BMPR1A: variants seen among roughly 807,000 people sequenced by gnomAD.
BMPR1A encodes bone morphogenetic protein receptor type 1A, also known as bone morphogenetic protein receptor type-1A.
Under a neutral mutation model 66.0 loss-of-function variants are expected in BMPR1A, and 7 were observed. That is an observed-to-expected ratio of 0.11 (90% CI 0.06 to 0.20). BMPR1A has a LOEUF of 0.20. Among genes scored for constraint, BMPR1A ranks in the 10% least tolerant of loss-of-function variants. The probability of loss-of-function intolerance (pLI) is 1.00; values close to 1 mark genes in which losing one functional copy is unlikely to be tolerated. For missense variants in BMPR1A, 408 were observed against 669.1 expected (o/e 0.61, Z 4.31); for synonymous variants, 200 against 229.7 (o/e 0.87, Z 1.17).
At chr10:86,788,933 G>A in intron 1 of BMPR1A, among the ~76,000 whole-genome samples, 1 of 151,874 alleles carries the variant, frequency 6.6e-6, no homozygotes, top group Non-Finnish European at 1.5e-5. Context: ...TTCCACCATG[G>A]CTTTTTCCAT....
chr10:86,892,060 C>A, intron 4 of BMPR1A, 67 bp from the exon 5 acceptor site: 1 of 1,304,496 alleles, frequency 7.7e-7, no homozygotes, highest in Non-Finnish European at 1.1e-6. Context: ...CACATTCAGA[C>A]TCAAATTTCG....
At chr10:86,847,480 G>A (rs1017686804) in intron 2 of BMPR1A, among the ~76,000 whole-genome samples, 2 of 151,504 alleles carry the variant, frequency 1.3e-5, no homozygotes, top group Middle Eastern at 3.2e-3. Flanking sequence ...AGGGGTTAGG[G>A]AACGTCTCAT....
chr10:86,871,357 A>G (rs1441568264), intron 2 of BMPR1A, among the ~76,000 whole-genome samples: 1 of 152,174 alleles, frequency 6.6e-6, no homozygotes, highest in Non-Finnish European at 1.5e-5. Context: ...GAACTTCATG[A>G]AGGCTGGGCC....
At chr10:86,757,790 C>CACA (rs1847901831) in intron 1 of BMPR1A, among the ~76,000 whole-genome samples, 2 of 152,228 alleles carry the variant, frequency 1.3e-5, no homozygotes, top group African/African-American at 4.8e-5. Context: ...GGGGAAGAAA[C>CACA]CGAGTCGCAA....
At chr10:86,932,138 T>C (rs1450712805), downstream of BMPR1A, 1 of 152,230 alleles carries the variant, frequency 6.6e-6, no homozygotes, top group Non-Finnish European at 1.5e-5. Flanking sequence ...TCACAGAGAC[T>C]CATCTTGTAA....
At chr10:86,856,269 T>C (rs1842638973) in intron 2 of BMPR1A, 1 of 518,918 alleles carries the variant, frequency 1.9e-6, no homozygotes, top group Non-Finnish European at 3.9e-6. Flanking sequence ...TTCAAAGTAC[T>C]TGTCTGTTTA....
intron 1 of BMPR1A, among the ~76,000 whole-genome samples, chr10:86,805,461 C>CCTTT (rs1841876768): frequency 9.2e-6 from 1 of 109,054 alleles, no homozygotes; most frequent in Admixed American, 1.1e-4. Context: ...TTTCAGTTTC[C>CCTTT]TTTTTTTTTT....
At chr10:86,803,150 T>C (rs1440437843) in intron 1 of BMPR1A, among the ~76,000 whole-genome samples, 3 of 152,176 alleles carry the variant, frequency 2.0e-5, no homozygotes, top group African/African-American at 7.2e-5. Flanking sequence ...ATACTGATGT[T>C]ACTGCCATAG....
chr10:86,826,364 A>G (rs1449909570), intron 1 of BMPR1A, among the ~76,000 whole-genome samples: 2 of 151,990 alleles, frequency 1.3e-5, no homozygotes, highest in African/African-American at 4.8e-5. Flanking sequence ...ATCTATATCT[A>G]TAGAGAGCTA....
At chr10:86,810,440 A>G (rs1054909111) in intron 1 of BMPR1A, among the ~76,000 whole-genome samples, 6 of 152,330 alleles carry the variant, frequency 3.9e-5, no homozygotes, top group South Asian at 4.1e-4. Context: ...TCTTCGGTAT[A>G]TAGGAAAAGA....
rs932289172 is a variant in BMPR1A, at chr10:86,926,323, C to G, written c.*2604C>G. Reference sequence around the variant, plus strand: ...GATCACAAGGTCAGGAGTTCAAGACCAGCCTGGCCAACATGGTGAAACCCC... The same window carrying G: ...GATCACAAGGTCAGGAGTTCAAGACGAGCCTGGCCAACATGGTGAAACCCC... On this transcript the variant is annotated 3_prime_UTR_variant, in exon 13 of 13. Transcript: ENST00000372037. 1 of 153,444 alleles carries G rather than the reference C, an allele frequency of 6.5e-6. No homozygotes were observed. The highest frequency in any genetic ancestry group is 2.4e-5 in the African/African-American group (1 of 41,478). 9.5% of individuals were successfully genotyped at this position (153,444 alleles called of 1,614,324 possible). A position where few individuals can be genotyped will look rare whatever the true frequency, so the allele number is the denominator to read the frequency against.
chr10:86,908,447 G>A (rs1021328168), intron 7 of BMPR1A, among the ~76,000 whole-genome samples: 6 of 152,178 alleles, frequency 3.9e-5, no homozygotes, highest in Non-Finnish European at 2.9e-5. Flanking sequence ...AGTCTAGTAC[G>A]AGTCGATTTG....
chr10:86,799,321 CA>C (rs1439046112), intron 1 of BMPR1A, among the ~76,000 whole-genome samples: 1 of 152,130 alleles, frequency 6.6e-6, no homozygotes, highest in Non-Finnish European at 1.5e-5. Flanking sequence ...ATAATAATAT[CA>C]ACTTCACAAG....
intron 3 of BMPR1A, among the ~76,000 whole-genome samples, chr10:86,886,208 ATG>A (rs1224016883): frequency 6.6e-6 from 1 of 152,188 alleles, no homozygotes; most frequent in Non-Finnish European, 1.5e-5. Flanking sequence ...TAAAGTGATG[ATG>A]GTGAGGCCTG....
intron 1 of BMPR1A, among the ~76,000 whole-genome samples, chr10:86,761,951 C>G (rs1841066783): frequency 6.6e-6 from 1 of 152,174 alleles, no homozygotes; most frequent in African/African-American, 2.4e-5. Context: ...CTATATGGGT[C>G]TGGGGTTTGA....
At chr10:86,851,643 G>A (rs1379280312) in intron 2 of BMPR1A, among the ~76,000 whole-genome samples, 4 of 152,154 alleles carry the variant, frequency 2.6e-5, no homozygotes, top group African/African-American at 7.2e-5. Context: ...AAGGGAACTC[G>A]CAGATCAAGT....
At chr10:86,792,588 G>A (rs1841643297) in intron 1 of BMPR1A, among the ~76,000 whole-genome samples, 1 of 152,128 alleles carries the variant, frequency 6.6e-6, no homozygotes, top group Admixed American at 6.5e-5. Flanking sequence ...TTGAGTCCAG[G>A]AGTTTGAAAC....
chr10:86,878,578 T>G (rs1450256702), intron 3 of BMPR1A, among the ~76,000 whole-genome samples: 1 of 152,234 alleles, frequency 6.6e-6, no homozygotes, highest in Non-Finnish European at 1.5e-5. Context: ...AGTTATTGAG[T>G]AGTGTCAAGG....
intron 2 of BMPR1A, among the ~76,000 whole-genome samples, chr10:86,850,319 C>CAAAA (rs200883215): frequency 7.6e-6 from 1 of 131,158 alleles, no homozygotes. Flanking sequence ...GACTCCATTT[C>CAAAA]AAAAAAAAAA....
Sources: gnomAD v4.1 joint callset for allele counts (sites outside exome capture counted in the v4.1 genomes callset) on GRCh38, gnomAD v4.1.1 for gene constraint, MANE v1.5 for transcripts, NCBI Gene and HGNC (gene_info 2026-07-23, HGNC 2026-07-21) for gene names.